The following PCED1B variants were observed in gnomAD, a reference collection of about 807,000 sequenced individuals.
The protein encoded by PCED1B is PC-esterase domain containing 1B, also known as PC-esterase domain-containing protein 1B.
For missense variants in PCED1B, 573 were observed against 573.9 expected (o/e 1.00, Z 0.02); for synonymous variants, 251 against 246.1 (o/e 1.02, Z -0.19).
At chr12:47,100,443 A>G (rs1173880289) in intron 1 of PCED1B, among the ~76,000 whole-genome samples, 1 of 152,210 alleles carries the variant, frequency 6.6e-6, no homozygotes. Flanking sequence ...TTATCTTTAT[A>G]CTAAAAAAGA....
chr12:47,131,459 C>T (rs1940121987), intron 2 of PCED1B, among the ~76,000 whole-genome samples: 1 of 152,154 alleles, frequency 6.6e-6, no homozygotes, highest in Admixed American at 6.5e-5. Flanking sequence ...AGCTCCTCAT[C>T]TGGCAGAGCA....
chr12:47,175,552 G>A (rs1303474564), intron 2 of PCED1B, among the ~76,000 whole-genome samples: 1 of 137,978 alleles, frequency 7.2e-6, no homozygotes. Flanking sequence ...ACTTCTTTCA[G>A]TATGTATGTA....
chr12:47,106,866 G>A (rs2137243463), intron 2 of PCED1B, among the ~76,000 whole-genome samples: 1 of 151,928 alleles, frequency 6.6e-6, no homozygotes, highest in Middle Eastern at 3.4e-3. Context: ...ATACATTAGG[G>A]CCTTGCTTCC....
chr12:47,113,965 A>AAT (rs1555191179), intron 2 of PCED1B, among the ~76,000 whole-genome samples: 1 of 148,824 alleles, frequency 6.7e-6, no homozygotes, highest in Non-Finnish European at 1.5e-5. Context: ...AGAAAAAAAA[A>AAT]ACACACACAC....
At chr12:47,205,293 G>A (rs1339685565) in intron 2 of PCED1B, among the ~76,000 whole-genome samples, 2 of 152,150 alleles carry the variant, frequency 1.3e-5, no homozygotes, top group East Asian at 3.9e-4. Flanking sequence ...GATCCATGGA[G>A]TACAGGGTCT....
intron 2 of PCED1B, chr12:47,135,982 A>C (rs1323191736): frequency 5.7e-6 from 1 of 175,504 alleles, no homozygotes; most frequent in Non-Finnish European, 1.2e-5. Flanking sequence ...AGATAAGAAC[A>C]AGTTACTCTC....
chr12:47,191,424 A>G (rs1382562996), intron 2 of PCED1B, among the ~76,000 whole-genome samples: 3 of 152,192 alleles, frequency 2.0e-5, no homozygotes, highest in Non-Finnish European at 4.4e-5. Context: ...AGCATTCAGC[A>G]GTTCTATAAG....
At chr12:47,110,153 G>A (rs1939128961) in intron 2 of PCED1B, among the ~76,000 whole-genome samples, 1 of 152,126 alleles carries the variant, frequency 6.6e-6, no homozygotes, top group Non-Finnish European at 1.5e-5. Flanking sequence ...GTCTCTAAAT[G>A]AAACAATATG....
Position 47,171,902 on chromosome 12 carries a change from C to G in PCED1B, c.-525-44320C>G, listed in dbSNP as rs1056256349. ...TTTTCTTCTTCTTCTTCTTCCTCTT[C>G]TTCCTCTTCTTCTTCTTCCTCTTCT... On this transcript the variant is annotated intron_variant, in intron 2 of 3. Coordinates refer to ENST00000546455, the MANE Select transcript of PCED1B (RefSeq NM_138371.3). Among the ~76,000 whole-genome samples the G allele has an allele frequency of 2.0e-5, 3 of 148,160 alleles. No homozygotes were observed. The South Asian group carries it at 6.3e-4, about 31-fold the overall frequency.
intron 2 of PCED1B, among the ~76,000 whole-genome samples, chr12:47,180,050 A>G (rs1942045651): frequency 6.6e-6 from 1 of 152,280 alleles, no homozygotes; most frequent in South Asian, 2.1e-4. Flanking sequence ...TCACCCAGGT[A>G]TTAAGCCCAG....
At chr12:47,102,191 T>C (rs1332016105) in intron 1 of PCED1B, among the ~76,000 whole-genome samples, 1 of 152,228 alleles carries the variant, frequency 6.6e-6, no homozygotes, top group Non-Finnish European at 1.5e-5. Flanking sequence ...TTTTAAATAC[T>C]AGAAGTCATT....
At chr12:47,152,755 A>T (rs1158128794) in intron 2 of PCED1B, among the ~76,000 whole-genome samples, 1 of 151,962 alleles carries the variant, frequency 6.6e-6, no homozygotes, top group Non-Finnish European at 1.5e-5. Context: ...ACATGGCAAA[A>T]CCCTGTCTCT....
At chr12:47,084,216 T>C (rs1037687122) in intron 1 of PCED1B, among the ~76,000 whole-genome samples, 3 of 152,202 alleles carry the variant, frequency 2.0e-5, no homozygotes, top group Non-Finnish European at 4.4e-5. Context: ...AGCAAAATCG[T>C]CTAACACAAA....
chr12:47,100,878 G>A (rs778177476), intron 1 of PCED1B, among the ~76,000 whole-genome samples: 1 of 152,074 alleles, frequency 6.6e-6, no homozygotes, highest in Non-Finnish European at 1.5e-5. Context: ...GACCAGCCTG[G>A]CCAGTATGGT....
At chr12:47,232,945 A>ATTT (rs1189995234) in intron 3 of PCED1B, among the ~76,000 whole-genome samples, 13 of 140,186 alleles carry the variant, frequency 9.3e-5, no homozygotes, top group Non-Finnish European at 1.4e-4. Flanking sequence ...TTATTTATTT[A>ATTT]ATTTATTTAG....
chr12:47,230,521 G>A lies in PCED1B; in HGVS notation c.-57-4486G>A, dbSNP rs1189928581. On this transcript the variant is annotated intron_variant, in intron 3 of 3. Transcript: ENST00000546455. ...TGCAGTGGTGCGATCTCAGCTCACT[G>A]CAACCTCCGCCTCCCAGGTTCAGGG... 3.3e-5 allele frequency among the ~76,000 whole-genome samples: 5 copies of A among 151,022 alleles called. No individual in the cohort carries two copies. In the East Asian group the frequency reaches 9.9e-4, roughly 30 times the overall value.
At chr12:47,133,692 G>C (rs915051446) in intron 2 of PCED1B, among the ~76,000 whole-genome samples, 1 of 152,078 alleles carries the variant, frequency 6.6e-6, no homozygotes, top group Non-Finnish European at 1.5e-5. Context: ...GTCAGGGCAA[G>C]GGAAAGAAGG....
At chr12:47,089,964 G>C (rs1938192830) in intron 1 of PCED1B, among the ~76,000 whole-genome samples, 2 of 152,050 alleles carry the variant, frequency 1.3e-5, no homozygotes, top group South Asian at 4.1e-4. Context: ...GCAGAGACAG[G>C]GTTTCACCAT....
chr12:47,093,364 G>T (rs1938346934), intron 1 of PCED1B, among the ~76,000 whole-genome samples: 2 of 148,892 alleles, frequency 1.3e-5, no homozygotes, highest in Non-Finnish European at 1.5e-5. Context: ...AATTTGTTTT[G>T]TCTATTTTTT....
Sources: gnomAD v4.1 joint callset for allele counts (sites outside exome capture counted in the v4.1 genomes callset) on GRCh38, gnomAD v4.1.1 for gene constraint, MANE v1.5 for transcripts, NCBI Gene and HGNC (gene_info 2026-07-23, HGNC 2026-07-21) for gene names.